Variants in LINGO2 observed in about 807,000 individuals in gnomAD.
The protein encoded by LINGO2 is leucine-rich repeat and immunoglobulin-like domain-containing nogo receptor-interacting protein 2.
A neutral mutation model predicts 30.6 loss-of-function variants in LINGO2; 14 were observed. That is an observed-to-expected ratio of 0.46 (90% CI 0.30 to 0.72). The LOEUF is 0.72. LINGO2 is among the 30% of genes least tolerant of loss of function. The pLI, the probability that LINGO2 is intolerant of heterozygous loss-of-function variation, is 0.07. For synonymous variants in LINGO2, 317 were observed against 288.5 expected, an observed-to-expected ratio of 1.10 and a Z score of -1.00; for missense variants, 729 against 751.7, an observed-to-expected ratio of 0.97 and a Z score of 0.35.
chr9:28,930,230 A>T, the LINGO2 span, among the ~76,000 whole-genome samples: 1 of 152,134 alleles, frequency 6.6e-6, no homozygotes, highest in African/African-American at 2.4e-5. The surrounding 1 kb of genome is among the most constrained non-coding windows in gnomAD (Gnocchi z 4.2). Flanking sequence ...TCTGCCTGCC[A>T]CACTCTTTCT....
At chr9:28,369,861 T>C (rs574534727) in intron 3 of LINGO2, among the ~76,000 whole-genome samples, 2 of 152,292 alleles carry the variant, frequency 1.3e-5, no homozygotes, top group African/African-American at 4.8e-5. Context: ...GTAAAGTGAA[T>C]ATTGGTATTC....
the LINGO2 span, among the ~76,000 whole-genome samples, chr9:28,933,885 C>T: frequency 6.6e-6 from 1 of 152,178 alleles, no homozygotes; most frequent in Non-Finnish European, 1.5e-5. Flanking sequence ...GCTTTCTTTA[C>T]CTCTTAAAAT....
At chr9:28,806,803 C>T in the LINGO2 span, among the ~76,000 whole-genome samples, 1 of 152,070 alleles carries the variant, frequency 6.6e-6, no homozygotes, top group African/African-American at 2.4e-5. Context: ...CCCAGTATTT[C>T]TCAAGCATAC....
the LINGO2 span, among the ~76,000 whole-genome samples, chr9:29,157,271 G>A: frequency 5.9e-5 from 9 of 152,164 alleles, no homozygotes; most frequent in South Asian, 1.9e-3. Context: ...ATTACAATAA[G>A]ATTTGATATG....
the LINGO2 span, among the ~76,000 whole-genome samples, chr9:29,150,984 A>AT: frequency 1.6e-4 from 25 of 152,012 alleles, no homozygotes; most frequent in East Asian, 2.7e-3. Context: ...AAACAAAAAA[A>AT]ATATATATAT....
At chr9:28,494,414 G>A (rs1819508562) in intron 1 of LINGO2, among the ~76,000 whole-genome samples, 1 of 151,848 alleles carries the variant, frequency 6.6e-6, no homozygotes, top group Admixed American at 6.6e-5. Context: ...TCCCCTTCCT[G>A]TGTCCAAGTG....
rs563895113 is a variant in LINGO2, at chr9:28,625,889, A to G, written c.-365+44311T>C. Among the ~76,000 whole-genome samples, 4 of 152,250 alleles carry G rather than the reference A, an allele frequency of 2.6e-5. No homozygotes were observed. The South Asian group carries it at 8.3e-4, about 32-fold the overall frequency. ...GAAAGATATAATTTAATCTTAAAAA[A>G]TATATATCTACACAAGTATTTGTGA... On this transcript the variant is annotated intron_variant, in intron 1 of 5. Coordinates refer to ENST00000379992, the Ensembl canonical transcript of LINGO2.
At chr9:28,535,046 G>A (rs530810777) in intron 1 of LINGO2, among the ~76,000 whole-genome samples, 2 of 152,052 alleles carry the variant, frequency 1.3e-5, no homozygotes, top group South Asian at 2.1e-4. Context: ...ATTTGACCCC[G>A]GAATTCTTCT....
the LINGO2 span, among the ~76,000 whole-genome samples, chr9:28,828,047 G>A: frequency 1.3e-4 from 19 of 151,728 alleles, no homozygotes; most frequent in Non-Finnish European, 1.8e-4. Context: ...GGAAGGGGCC[G>A]GAGACTTAAA....
the LINGO2 span, among the ~76,000 whole-genome samples, chr9:29,077,043 T>C: frequency 1.3e-5 from 2 of 152,094 alleles, no homozygotes; most frequent in East Asian, 1.9e-4. Context: ...ATATACAAAG[T>C]ATTTATTGCC....
At chr9:28,274,340 A>AT (rs1203230704) in intron 4 of LINGO2, among the ~76,000 whole-genome samples, 2 of 152,048 alleles carry the variant, frequency 1.3e-5, no homozygotes, top group African/African-American at 4.8e-5. Flanking sequence ...ATGAGCACAT[A>AT]TTTTTTTGCT....
chr9:28,443,964 G>C (rs1375925465), intron 2 of LINGO2, among the ~76,000 whole-genome samples: 1 of 152,118 alleles, frequency 6.6e-6, no homozygotes, highest in Non-Finnish European at 1.5e-5. Context: ...TCCCACCCAT[G>C]GCTGTCCATG....
the LINGO2 span, among the ~76,000 whole-genome samples, chr9:28,901,254 C>A: frequency 6.6e-6 from 1 of 151,912 alleles, no homozygotes; most frequent in Admixed American, 6.6e-5. Flanking sequence ...AAAGACTTTC[C>A]CAGACAAATA....
chr9:28,670,354 T>C (rs1461326793), upstream of LINGO2: 1 of 152,114 alleles, frequency 6.6e-6, no homozygotes, highest in Non-Finnish European at 1.5e-5. Flanking sequence ...TGATTAGCTA[T>C]GAAATTTTTA....
intron 4 of LINGO2, among the ~76,000 whole-genome samples, chr9:28,200,703 AAGAAT>A (rs1415851527): frequency 5.3e-5 from 8 of 152,182 alleles, no homozygotes; most frequent in African/African-American, 2.4e-5. Flanking sequence ...TTAATAAATA[AAGAAT>A]AGAAGTAACA....
intron 1 of LINGO2, among the ~76,000 whole-genome samples, chr9:28,633,030 G>A (rs982039554): frequency 2.0e-5 from 3 of 151,250 alleles, no homozygotes; most frequent in Admixed American, 6.6e-5. Flanking sequence ...TGAAGAATGT[G>A]GAGTCCAGTG....
the LINGO2 span, among the ~76,000 whole-genome samples, chr9:29,071,687 T>C: frequency 1.3e-5 from 2 of 151,826 alleles, no homozygotes; most frequent in African/African-American, 4.8e-5. Context: ...TCAGGCTTTT[T>C]ACAGTTTTGC....
chr9:28,585,764 C>T (rs1002780693), intron 1 of LINGO2, among the ~76,000 whole-genome samples: 3 of 152,024 alleles, frequency 2.0e-5, no homozygotes, highest in Non-Finnish European at 4.4e-5. Flanking sequence ...CTAAGTTCTT[C>T]CCAACAAGTT....
At chr9:28,307,679 C>A (rs1384072861) in intron 3 of LINGO2, among the ~76,000 whole-genome samples, 1 of 152,132 alleles carries the variant, frequency 6.6e-6, no homozygotes, top group Non-Finnish European at 1.5e-5. Flanking sequence ...ATCTAGAAAA[C>A]CCCATTGTCT....
Sources: allele counts gnomAD v4.1 joint callset (sites outside exome capture counted in the v4.1 genomes callset), GRCh38; gene constraint gnomAD v4.1.1; non-coding constraint Gnocchi (gnomAD v3.1); transcripts MANE v1.5; gene names NCBI Gene and HGNC (gene_info 2026-07-23, HGNC 2026-07-21).